ARB2A: variants seen among roughly 807,000 people sequenced by gnomAD.
The protein encoded by ARB2A is ARB2 cotranscriptional regulator A, also known as cotranscriptional regulator ARB2A.
At chr5:94,018,199 G>T in the ARB2A span, among the ~76,000 whole-genome samples, 1 of 152,178 alleles carries the variant, frequency 6.6e-6, no homozygotes, top group Non-Finnish European at 1.5e-5. Flanking sequence ...TCTCAATAAA[G>T]TGGTGCTGCC....
the ARB2A span, among the ~76,000 whole-genome samples, chr5:93,723,804 T>G: frequency 6.6e-6 from 1 of 152,048 alleles, no homozygotes; most frequent in Admixed American, 6.6e-5. Flanking sequence ...GTTCAACATT[T>G]ACATTGATGT....
chr5:93,879,108 T>C, the ARB2A span, among the ~76,000 whole-genome samples: 1 of 152,026 alleles, frequency 6.6e-6, no homozygotes, highest in Non-Finnish European at 1.5e-5. Context: ...TGTCTGAAAA[T>C]TACAAACACT....
chr5:93,637,766 C>T, the ARB2A span, among the ~76,000 whole-genome samples: 1 of 152,152 alleles, frequency 6.6e-6, no homozygotes, highest in African/African-American at 2.4e-5. Context: ...TCCACTGTGC[C>T]GTAAAGGATT....
At chr5:93,736,593 A>G in the ARB2A span, 10 of 151,130 alleles carry the variant, frequency 6.6e-5, no homozygotes, top group Admixed American at 5.3e-4. Flanking sequence ...GAGTCGGAGG[A>G]AAAAAAAAGT....
the ARB2A span, among the ~76,000 whole-genome samples, chr5:94,072,816 T>G: frequency 6.6e-6 from 1 of 152,146 alleles, no homozygotes; most frequent in Non-Finnish European, 1.5e-5. Context: ...GACATAACTT[T>G]CTTGTGAATA....
the ARB2A span, among the ~76,000 whole-genome samples, chr5:93,842,041 A>C: frequency 6.6e-6 from 1 of 152,204 alleles, no homozygotes; most frequent in Non-Finnish European, 1.5e-5. Context: ...AGCTAAGAGA[A>C]AGAAGCTAGA....
chr5:93,881,216 C>T, the ARB2A span: 2 of 282,496 alleles, frequency 7.1e-6, no homozygotes, highest in African/African-American at 4.5e-5. Context: ...GAAAATTTTT[C>T]TTGAGGTAGT....
chr5:93,887,494 T>C, the ARB2A span, among the ~76,000 whole-genome samples: 1 of 151,794 alleles, frequency 6.6e-6, no homozygotes, highest in African/African-American at 2.4e-5. Flanking sequence ...GGCATCTGTA[T>C]ACCTTCTCCA....
At chr5:93,674,189 T>C in the ARB2A span, among the ~76,000 whole-genome samples, 1 of 152,224 alleles carries the variant, frequency 6.6e-6, no homozygotes, top group South Asian at 2.1e-4. Flanking sequence ...CACTCTTTCT[T>C]TCACCTGATC....
chr5:93,875,829 G>A, the ARB2A span, among the ~76,000 whole-genome samples: 1 of 151,758 alleles, frequency 6.6e-6, no homozygotes, highest in South Asian at 2.1e-4. Context: ...TAAAGATAGA[G>A]TTAATTGGGG....
At chr5:94,074,823 C>T in the ARB2A span, 16 of 1,209,400 alleles carry the variant, frequency 1.3e-5, no homozygotes, top group South Asian at 1.3e-4. Context: ...ATCTATTCCA[C>T]GAGAACTTCC....
the ARB2A span, among the ~76,000 whole-genome samples, chr5:93,940,233 G>C: frequency 6.6e-6 from 1 of 152,022 alleles, no homozygotes; most frequent in African/African-American, 2.4e-5. Flanking sequence ...TTTAAAATAT[G>C]AAAGTACATT....
the ARB2A span, among the ~76,000 whole-genome samples, chr5:93,652,860 G>A: frequency 4.6e-5 from 7 of 152,128 alleles, no homozygotes; most frequent in African/African-American, 1.7e-4. Context: ...GAAAATTTTG[G>A]TCTAGAGGTA....
At chr5:93,759,936 G>T in the ARB2A span, among the ~76,000 whole-genome samples, 2 of 152,092 alleles carry the variant, frequency 1.3e-5, no homozygotes, top group African/African-American at 2.4e-5. Flanking sequence ...CATCCAAATC[G>T]GTAAAGAGGA....
the ARB2A span, among the ~76,000 whole-genome samples, chr5:93,856,062 T>C: frequency 6.6e-6 from 1 of 151,860 alleles, no homozygotes; most frequent in Non-Finnish European, 1.5e-5. Context: ...AGTTAAAAAC[T>C]TTGAAAAAAA....
At chr5:93,939,839 A>T in the ARB2A span, among the ~76,000 whole-genome samples, 2 of 152,116 alleles carry the variant, frequency 1.3e-5, no homozygotes, top group Non-Finnish European at 2.9e-5. Flanking sequence ...TACTCTAGGT[A>T]ACAAAATGTA....
the ARB2A span, among the ~76,000 whole-genome samples, chr5:93,824,772 T>C: frequency 1.3e-5 from 2 of 152,252 alleles, no homozygotes; most frequent in Non-Finnish European, 2.9e-5. Context: ...ATGAGAGGAA[T>C]GAGCAGGATA....
chr5:93,750,210 A>C, the ARB2A span, among the ~76,000 whole-genome samples: 8 of 152,236 alleles, frequency 5.3e-5, no homozygotes, highest in African/African-American at 1.9e-4. Context: ...TTAGGCTCTA[A>C]TTTTGGGGGA....
the ARB2A span, among the ~76,000 whole-genome samples, chr5:93,744,585 T>C: frequency 6.6e-6 from 1 of 152,090 alleles, no homozygotes; most frequent in Non-Finnish European, 1.5e-5. Context: ...TTTATGTGCA[T>C]GTACTGCCAA....
Sources: allele counts gnomAD v4.1 joint callset (sites outside exome capture counted in the v4.1 genomes callset), GRCh38; gene constraint gnomAD v4.1.1; transcripts MANE v1.5; gene names NCBI Gene and HGNC (gene_info 2026-07-23, HGNC 2026-07-21).